Variants in ABCC8 observed in about 807,000 individuals in gnomAD.
ABCC8 encodes the protein ATP binding cassette subfamily C member 8.
Under a neutral mutation model 188.0 loss-of-function variants are expected in ABCC8, and 137 were observed. The observed-to-expected ratio is 0.73, with a 90% CI of 0.63 to 0.84. ABCC8 has a LOEUF of 0.84. ABCC8 is among the 40% of genes least tolerant of loss of function. The pLI is 0.00. For synonymous variants in ABCC8, 797 were observed against 846.5 expected (o/e 0.94, Z 1.01); for missense variants, 1,750 against 2,072.7 (o/e 0.84, Z 3.02).
chr11:17,405,557 A>C lies in ABCC8; in HGVS notation c.3336T>G (p.Phe1112Leu). The C allele has an allele frequency of 6.2e-7, 1 of 1,614,246 alleles. No homozygotes were observed. Among genetic ancestry groups the C allele is most frequent in the African/African-American group, 1.3e-5 (1 of 75,082 alleles). The change falls in exon 27 of 39, where the codon TTT becomes TTG. Residue 1112 changes from phenylalanine to leucine, a missense_variant. By Grantham distance (22) the Phe-to-Leu change is conservative. Transcript: ENST00000389817. ...NRIILAPMRFFETTPLGSILN... is the reference protein window; with the variant it reads ...NRIILAPMRFLETTPLGSILN... ...GGATGCTCCCAAGGGGCGTGGTCTC[A>C]AAAAACCTAAGAGGCAGCCAGAGGA...
intron 10 of ABCC8, among the ~76,000 whole-genome samples, chr11:17,440,298 G>C (rs1467580858): frequency 1.3e-5 from 2 of 152,144 alleles, no homozygotes; most frequent in Non-Finnish European, 2.9e-5. Flanking sequence ...CCTACTGCTG[G>C]GAACTGTCTC....
chr11:17,473,099 A>T (rs1848568567), intron 2 of ABCC8, among the ~76,000 whole-genome samples: 1 of 152,232 alleles, frequency 6.6e-6, no homozygotes, highest in South Asian at 2.1e-4. Flanking sequence ...AGGCCCAGAA[A>T]GCCTGAATGA....
At chr11:17,460,767 C>A in intron 5 of ABCC8, 91 bp from the exon 6 acceptor site, 7 of 1,574,874 alleles carry the variant, frequency 4.4e-6, no homozygotes, top group Non-Finnish European at 6.0e-6. Context: ...CTCCTGTTGT[C>A]TGGGGAAACC....
At chr11:17,400,121 C>A (rs1036838889) in intron 29 of ABCC8, among the ~76,000 whole-genome samples, 1 of 152,218 alleles carries the variant, frequency 6.6e-6, no homozygotes, top group Non-Finnish European at 1.5e-5. Context: ...GCTTTTCACC[C>A]TGGAAGGTGT....
At position 17,476,808 on chromosome 11, in the gene ABCC8, AGCTGGCTCC is replaced by A. The variant is rs78092663; in HGVS notation, c.-41_-33del. ...GCGGGCGCGGGCTGGGCTCGGGCTC[AGCTGGCTCC>A]GCTGGCTCCGCGCGCCTGCCGCGCC... On this transcript the variant is annotated 5_prime_UTR_variant, in exon 1 of 39. Transcript: ENST00000389817. 46 of 1,503,454 alleles carry A rather than the reference AGCTGGCTCC, an allele frequency of 3.1e-5. No homozygotes were observed. The African/African-American group carries it at 3.2e-4, about 10-fold the overall frequency. 93.1% of individuals were successfully genotyped at this position (1,503,454 alleles called of 1,614,324 possible).
At chr11:17,450,463 C>T (rs1339662349) in intron 7 of ABCC8, among the ~76,000 whole-genome samples, 4 of 142,578 alleles carry the variant, frequency 2.8e-5, no homozygotes, top group South Asian at 4.6e-4. Flanking sequence ...GGTGCCATCT[C>T]GGCTCACTGC....
intron 29 of ABCC8, among the ~76,000 whole-genome samples, chr11:17,398,696 A>G (rs1487771955): frequency 6.6e-6 from 1 of 152,172 alleles, no homozygotes. Flanking sequence ...CTTTCCCATT[A>G]TAATAAGGGG....
chr11:17,443,516 C>T, intron 8 of ABCC8: 1 of 699,148 alleles, frequency 1.4e-6, no homozygotes, highest in South Asian at 1.8e-5. Context: ...GGCTCTCATG[C>T]AAGCAGAGGG....
intron 17 of ABCC8, among the ~76,000 whole-genome samples, chr11:17,415,631 A>C (rs1955034567): frequency 6.6e-6 from 1 of 152,172 alleles, no homozygotes; most frequent in African/African-American, 2.4e-5. Context: ...AACTTGTCAG[A>C]TCAGGAGTAT....
At chr11:17,394,999 G>C (rs944116970) in intron 36 of ABCC8, 173 bp downstream of exon 36, 1 of 790,402 alleles carries the variant, frequency 1.3e-6, no homozygotes. Flanking sequence ...TGTGACCTGG[G>C]GCAAGACACC....
At position 17,470,115 on chromosome 11, in the gene ABCC8, G is replaced by T; in HGVS notation, c.398C>A (p.Pro133His). The T allele has an allele frequency of 6.2e-7, 1 of 1,614,140 alleles. No homozygotes were observed. Among genetic ancestry groups the T allele is most frequent in the Non-Finnish European group, 8.5e-7 (1 of 1,180,038 alleles). Residue 133 changes from proline (P) to histidine (H), a missense_variant, in exon 3 of 39, where the codon CCC (proline) becomes CAC (histidine). Coordinates refer to ENST00000389817, the MANE Select transcript of ABCC8 (RefSeq NM_000352.6). ...ACCTCACCTACCAATTAGCAGCTTG[G>T]GGAAGTTGGAAGTCTCGATGTTGTG... ...YYHNIETSNFPKLLIALLVYW... is the reference protein window; with the variant it reads ...YYHNIETSNFHKLLIALLVYW...
At chr11:17,460,888 T>A in intron 5 of ABCC8, 2 of 939,364 alleles carry the variant, frequency 2.1e-6, no homozygotes, top group Non-Finnish European at 3.1e-6. Context: ...ATGGGGAAAC[T>A]AAGGCCAGAT....
At chr11:17,448,326 G>A (rs924745692) in intron 8 of ABCC8, 190 bp downstream of exon 8, 36 of 625,220 alleles carry the variant, frequency 5.8e-5, no homozygotes, top group African/African-American at 5.5e-4. Flanking sequence ...CATTAAGAGA[G>A]ATGGTCAGTG....
At chr11:17,443,401 T>C in intron 8 of ABCC8, 89 bp from the exon 9 acceptor site, 1 of 1,603,534 alleles carries the variant, frequency 6.2e-7, no homozygotes, top group Non-Finnish European at 8.5e-7. Flanking sequence ...CCCAGTCCCC[T>C]AGAGTGGGAC....
intron 10 of ABCC8, among the ~76,000 whole-genome samples, chr11:17,433,191 G>GC (rs887931943): frequency 2.1e-4 from 32 of 152,214 alleles, no homozygotes; most frequent in Admixed American, 5.2e-4. Flanking sequence ...AGAGAGAGCA[G>GC]CCCCCCCATG....
At position 17,434,426 on chromosome 11, in the gene ABCC8, G is replaced by A. The variant is rs930412944; in HGVS notation, c.1631-2182C>T. On this transcript the variant is annotated intron_variant, in intron 10 of 38. Coordinates refer to ENST00000389817, the MANE Select transcript of ABCC8 (RefSeq NM_000352.6). ...TCCGTCTCCAGGAAATTTATCCTGA[G>A]TAATCATTCAAGAGCAGCGCAAAGC... 5.3e-5 allele frequency among the ~76,000 whole-genome samples: 8 copies of A among 152,236 alleles called. No homozygotes were observed. In the East Asian group the frequency reaches 1.5e-3, roughly 29 times the overall value.
intron 3 of ABCC8, among the ~76,000 whole-genome samples, chr11:17,465,057 T>C (rs1055719480): frequency 1.3e-5 from 2 of 152,178 alleles, no homozygotes; most frequent in Non-Finnish European, 2.9e-5. Flanking sequence ...CCCGGGGGGA[T>C]CGATGCCATC....
intron 29 of ABCC8, among the ~76,000 whole-genome samples, chr11:17,402,034 T>C (rs1240447417): frequency 6.6e-6 from 1 of 152,240 alleles, no homozygotes; most frequent in Admixed American, 6.5e-5. Flanking sequence ...CTGCTCAAAG[T>C]CTGGGCTGTA....
chr11:17,443,500 A>G (rs1956406676), intron 8 of ABCC8, 188 bp from the exon 9 acceptor site: 2 of 836,668 alleles, frequency 2.4e-6, no homozygotes, highest in Non-Finnish European at 3.7e-6. Context: ...GGAGGTTAGC[A>G]TAATGGGCTC....
Sources: gnomAD v4.1 joint callset for allele counts (sites outside exome capture counted in the v4.1 genomes callset) on GRCh38, gnomAD v4.1.1 for gene constraint, MANE v1.5 for transcripts, NCBI Gene and HGNC (gene_info 2026-07-23, HGNC 2026-07-21) for gene names.